The following APP variants were observed in gnomAD, a reference collection of about 807,000 sequenced individuals.
APP encodes the protein amyloid-beta precursor protein.
A neutral mutation model predicts 101.4 loss-of-function variants in APP; 31 were observed. The ratio of observed to expected loss-of-function variants is 0.31; its 90% CI spans 0.23 to 0.41. The LOEUF (loss-of-function observed/expected upper bound fraction) is 0.41, where lower values mean the gene tolerates loss of function less well. Ranked by LOEUF, APP falls within the 10% of genes least tolerant of loss-of-function variation. The pLI is 1.00. For missense variants in APP, 839 were observed against 1,003.7 expected (o/e 0.84, Z 2.22); for synonymous variants, 366 against 364.4 (o/e 1.00, Z -0.05).
intron 13 of APP, among the ~76,000 whole-genome samples, chr21:25,928,010 G>C (rs2146381005): frequency 6.6e-6 from 1 of 152,228 alleles, no homozygotes; most frequent in South Asian, 2.1e-4. Context: ...AGGGAGTCTT[G>C]GTCCTGCCTG....
chr21:26,142,780 A>T (rs946332898), intron 1 of APP, among the ~76,000 whole-genome samples: 1 of 150,650 alleles, frequency 6.6e-6, no homozygotes, highest in African/African-American at 2.4e-5. Context: ...AAAAAAAAGT[A>T]AAGAAAAAGT....
At chr21:25,995,242 A>C (rs1321887071) in intron 8 of APP, among the ~76,000 whole-genome samples, 3 of 152,248 alleles carry the variant, frequency 2.0e-5, no homozygotes, top group African/African-American at 7.2e-5. Flanking sequence ...AGAGAAAAAT[A>C]ATCACTGTTT....
chr21:25,912,477 T>C (rs2039127557), intron 13 of APP, among the ~76,000 whole-genome samples: 1 of 152,178 alleles, frequency 6.6e-6, no homozygotes, highest in Admixed American at 6.5e-5. Flanking sequence ...CCTTCTTGAA[T>C]AGTTTTCACT....
rs920730918 is a variant in APP at position 25,954,534 on chromosome 21, T to C, written c.1687+56A>G. 2.7e-6 allele frequency: 4 copies of C among 1,472,966 alleles called. No individual in the cohort carries two copies. The African/African-American group carries it at 5.6e-5, about 20-fold the overall frequency. The allele number at this position is 1,472,966 out of a possible 1,614,324, so 91.2% of individuals were successfully genotyped here. On this transcript the variant is annotated intron_variant, in intron 13 of 17. Coordinates refer to ENST00000346798, the MANE Select transcript of APP (RefSeq NM_000484.4). ...AAACAGATAACTCACTTCCTCAATTTTCCTCTGGGGGAAAATACATGTCCA... is the reference window on the plus strand; with the variant it reads ...AAACAGATAACTCACTTCCTCAATTCTCCTCTGGGGGAAAATACATGTCCA...
chr21:26,024,270 G>C (rs1290901941), intron 5 of APP, among the ~76,000 whole-genome samples: 1 of 151,236 alleles, frequency 6.6e-6, no homozygotes, highest in Non-Finnish European at 1.5e-5. Flanking sequence ...CATAGTAATA[G>C]AATTAAAAGC....
At chr21:25,955,961 A>T (rs1330144865) in intron 11 of APP, among the ~76,000 whole-genome samples, 3 of 152,156 alleles carry the variant, frequency 2.0e-5, no homozygotes, top group Non-Finnish European at 4.4e-5. Flanking sequence ...CTTCCACAAG[A>T]GCATTTAACA....
intron 1 of APP, among the ~76,000 whole-genome samples, chr21:26,118,493 A>G (rs550462346): frequency 6.6e-6 from 1 of 152,170 alleles, no homozygotes; most frequent in Non-Finnish European, 1.5e-5. Context: ...TGATGAAATG[A>G]GCGAGATGTA....
intron 17 of APP, among the ~76,000 whole-genome samples, chr21:25,884,247 C>A (rs1051036002): frequency 2.0e-5 from 3 of 152,180 alleles, no homozygotes; most frequent in African/African-American, 7.2e-5. Flanking sequence ...CATCTACCAC[C>A]CTGTGGCTCA....
chr21:25,992,938 A>G (rs1331270442), intron 8 of APP, among the ~76,000 whole-genome samples: 2 of 152,248 alleles, frequency 1.3e-5, no homozygotes, highest in African/African-American at 2.4e-5. Context: ...GAATAGTGTG[A>G]TTAAGAACAA....
chr21:26,137,964 G>A (rs890149380), intron 1 of APP, among the ~76,000 whole-genome samples: 1 of 152,106 alleles, frequency 6.6e-6, no homozygotes, highest in Non-Finnish European at 1.5e-5. Context: ...ATCTTCTACT[G>A]CAGTAAGAAG....
chr21:26,164,444 T>C (rs1274758938), intron 1 of APP, among the ~76,000 whole-genome samples: 1 of 152,226 alleles, frequency 6.6e-6, no homozygotes, highest in Non-Finnish European at 1.5e-5. Flanking sequence ...TGTTTATTCG[T>C]TTTGCTAGCA....
At chr21:26,132,506 T>C (rs1350916535) in intron 1 of APP, among the ~76,000 whole-genome samples, 1 of 122,396 alleles carries the variant, frequency 8.2e-6, no homozygotes, top group East Asian at 2.2e-4. Flanking sequence ...AAATTACTTT[T>C]AGTTCTCCTC....
chr21:26,105,944 C>T (rs113478059), intron 2 of APP, among the ~76,000 whole-genome samples: 3 of 152,330 alleles, frequency 2.0e-5, no homozygotes, highest in African/African-American at 7.2e-5. Flanking sequence ...CTCCTCTCCC[C>T]ACATCACACG....
chr21:25,996,742 G>A (rs1346502332), intron 8 of APP, among the ~76,000 whole-genome samples: 1 of 152,150 alleles, frequency 6.6e-6, no homozygotes, highest in Non-Finnish European at 1.5e-5. Flanking sequence ...TTTACAACCC[G>A]ATTGTGCGGG....
At chr21:26,065,702 C>A (rs1444966471) in intron 3 of APP, among the ~76,000 whole-genome samples, 1 of 152,160 alleles carries the variant, frequency 6.6e-6, no homozygotes, top group Non-Finnish European at 1.5e-5. Flanking sequence ...AGTAGTCTTA[C>A]TAATTTTGAA....
chr21:26,092,947 CAAAG>C (rs1411862644), intron 2 of APP, among the ~76,000 whole-genome samples: 2 of 152,176 alleles, frequency 1.3e-5, no homozygotes, highest in Non-Finnish European at 2.9e-5. Context: ...AGAGAACACA[CAAAG>C]AAATCTCTAA....
At chr21:25,996,146 A>C (rs1398887604) in intron 8 of APP, among the ~76,000 whole-genome samples, 1 of 152,218 alleles carries the variant, frequency 6.6e-6, no homozygotes, top group Admixed American at 6.5e-5. Flanking sequence ...AACTCGTCTG[A>C]TATTACAACT....
intron 8 of APP, among the ~76,000 whole-genome samples, chr21:25,983,105 T>C (rs940339935): frequency 2.6e-5 from 4 of 152,246 alleles, no homozygotes; most frequent in Non-Finnish European, 4.4e-5. Context: ...TTCATTATGC[T>C]AGTTGTCAAA....
intron 15 of APP, among the ~76,000 whole-genome samples, chr21:25,904,154 G>C (rs1200271057): frequency 2.0e-5 from 3 of 152,182 alleles, no homozygotes; most frequent in Non-Finnish European, 4.4e-5. Flanking sequence ...TGTTATTTGG[G>C]ATTAAAATCT....
Sources: gnomAD v4.1 joint callset for allele counts (sites outside exome capture counted in the v4.1 genomes callset) on GRCh38, gnomAD v4.1.1 for gene constraint, MANE v1.5 for transcripts, NCBI Gene and HGNC (gene_info 2026-07-23, HGNC 2026-07-21) for gene names.